SPECC1: variants seen among roughly 807,000 people sequenced by gnomAD.
SPECC1 encodes the protein cytospin-B.
A neutral mutation model predicts 104.1 loss-of-function variants in SPECC1; 62 were observed. That is an observed-to-expected ratio of 0.60 (90% CI 0.49 to 0.74). SPECC1 has a LOEUF of 0.74. Among genes scored for constraint, SPECC1 ranks in the 30% least tolerant of loss-of-function variants. The pLI is 0.00. For synonymous variants in SPECC1, 513 were observed against 501.6 expected, an observed-to-expected ratio of 1.02 and a Z score of -0.30; for missense variants, 1,306 against 1,310.5, an observed-to-expected ratio of 1.00 and a Z score of 0.05.
At chr17:20,240,992 G>C (rs1258638719) in intron 7 of SPECC1, among the ~76,000 whole-genome samples, 1 of 152,230 alleles carries the variant, frequency 6.6e-6, no homozygotes. Flanking sequence ...TGCTGAAGCA[G>C]ATCCAGGTGT....
chr17:20,024,504 GT>G (rs903475986), intron 1 of SPECC1, among the ~76,000 whole-genome samples: 2 of 152,116 alleles, frequency 1.3e-5, no homozygotes, highest in Non-Finnish European at 2.9e-5. Context: ...AGTACTCAGG[GT>G]TTTTTCTCTT....
intron 3 of SPECC1, among the ~76,000 whole-genome samples, chr17:20,172,576 C>G (rs1175060840): frequency 6.6e-6 from 1 of 152,098 alleles, no homozygotes; most frequent in South Asian, 2.1e-4. Context: ...AGGCTTCTTT[C>G]TATGTGAGGG....
At chr17:20,201,295 A>G (rs575567409) in intron 3 of SPECC1, among the ~76,000 whole-genome samples, 1 of 149,128 alleles carries the variant, frequency 6.7e-6, no homozygotes, top group South Asian at 2.1e-4. Context: ...CCCCATCTCT[A>G]CTAAAAAAAA....
intron 4 of SPECC1, among the ~76,000 whole-genome samples, chr17:20,225,220 G>T (rs946852327): frequency 3.3e-5 from 5 of 152,206 alleles, no homozygotes; most frequent in Admixed American, 6.5e-5. Context: ...GAGCTGTGCT[G>T]CCTGGGGTTG....
chr17:20,159,247 G>C (rs1481671033), intron 3 of SPECC1, among the ~76,000 whole-genome samples: 3 of 152,136 alleles, frequency 2.0e-5, no homozygotes, highest in African/African-American at 7.2e-5. Flanking sequence ...GCCTGGCGTA[G>C]AGATGGGATC....
intron 1 of SPECC1, among the ~76,000 whole-genome samples, chr17:20,070,008 T>C (rs1177912831): frequency 3.3e-5 from 5 of 152,168 alleles, no homozygotes; most frequent in African/African-American, 1.2e-4. Context: ...AGAGGTTTTT[T>C]TGTTGTAAAT....
chr17:20,279,309 C>CTTT (rs558884865), intron 12 of SPECC1, among the ~76,000 whole-genome samples: 7 of 131,858 alleles, frequency 5.3e-5, no homozygotes, highest in Non-Finnish European at 6.5e-5. Context: ...ACTTTTCTTT[C>CTTT]TTTTTTTTTT....
intron 2 of SPECC1, among the ~76,000 whole-genome samples, chr17:20,099,914 A>T (rs2047860257): frequency 6.6e-6 from 1 of 152,028 alleles, no homozygotes; most frequent in African/African-American, 2.4e-5. Flanking sequence ...CCCACTGTGG[A>T]TACCAAAATC....
chr17:20,188,359 AGTGATTCTCCT>A (rs2035423877), intron 3 of SPECC1, among the ~76,000 whole-genome samples: 1 of 151,736 alleles, frequency 6.6e-6, no homozygotes, highest in African/African-American at 2.4e-5. Context: ...CCTGGATTCA[AGTGATTCTCCT>A]GTCTAAGCCT....
At chr17:20,050,601 G>A (rs1243202584) in intron 1 of SPECC1, among the ~76,000 whole-genome samples, 2 of 152,218 alleles carry the variant, frequency 1.3e-5, no homozygotes, top group Non-Finnish European at 2.9e-5. Flanking sequence ...GTTAGGGCAT[G>A]TGTTTAGTTA....
intron 14 of SPECC1, among the ~76,000 whole-genome samples, chr17:20,310,147 C>T (rs996726747): frequency 1.4e-4 from 22 of 152,108 alleles, no homozygotes; most frequent in Admixed American, 7.9e-4. Context: ...TGTTGATGGA[C>T]ACCTAGGTTG....
intron 12 of SPECC1, among the ~76,000 whole-genome samples, chr17:20,260,787 A>G (rs1356640685): frequency 6.6e-6 from 1 of 152,108 alleles, no homozygotes; most frequent in Non-Finnish European, 1.5e-5. Context: ...GCAGGAATTG[A>G]TATCAACATA....
At chr17:20,084,078 G>A (rs1227940678) in intron 1 of SPECC1, among the ~76,000 whole-genome samples, 4 of 151,946 alleles carry the variant, frequency 2.6e-5, no homozygotes, top group Non-Finnish European at 5.9e-5. Flanking sequence ...TTATTGCCTT[G>A]TGCAGTTTAT....
At chr17:20,166,007 A>G (rs535866372) in intron 3 of SPECC1, among the ~76,000 whole-genome samples, 1 of 152,118 alleles carries the variant, frequency 6.6e-6, no homozygotes, top group Non-Finnish European at 1.5e-5. Context: ...ATCCTTCTTG[A>G]CAGTTAAAAC....
chr17:20,156,358 G>C, intron 3 of SPECC1: 1 of 1,115,222 alleles, frequency 9.0e-7, no homozygotes, highest in Non-Finnish European at 1.1e-6. Flanking sequence ...AGGTCCTGGG[G>C]TGTGATTCTT....
At chr17:20,222,848 T>G (rs2037970657) in intron 4 of SPECC1, among the ~76,000 whole-genome samples, 1 of 152,232 alleles carries the variant, frequency 6.6e-6, no homozygotes, top group South Asian at 2.1e-4. Context: ...TCTATTTCTC[T>G]GTCATGTTTG....
chr17:20,226,821 TAG>T (rs2038237883), intron 4 of SPECC1, among the ~76,000 whole-genome samples: 1 of 152,234 alleles, frequency 6.6e-6, no homozygotes, highest in Admixed American at 6.5e-5. Context: ...AGAGAATCTT[TAG>T]AGTTTCCTCT....
chr17:20,196,605 G>A (rs2036052305), intron 3 of SPECC1, among the ~76,000 whole-genome samples: 1 of 152,116 alleles, frequency 6.6e-6, no homozygotes, highest in Non-Finnish European at 1.5e-5. Flanking sequence ...TTTCTGACTT[G>A]CCCTAAACAT....
At chr17:20,277,626 G>A (rs1425196791) in intron 12 of SPECC1, among the ~76,000 whole-genome samples, 1 of 151,992 alleles carries the variant, frequency 6.6e-6, no homozygotes, top group Non-Finnish European at 1.5e-5. Flanking sequence ...ACAGTTCAGG[G>A]GCATGAAGCA....
Sources: allele counts gnomAD v4.1 joint callset (sites outside exome capture counted in the v4.1 genomes callset), GRCh38; gene constraint gnomAD v4.1.1; transcripts MANE v1.5; gene names NCBI Gene and HGNC (gene_info 2026-07-23, HGNC 2026-07-21).